The following NINJ2 variants were observed in gnomAD, a reference collection of about 807,000 sequenced individuals.
NINJ2 encodes the protein ninjurin-2.
Under a neutral mutation model 11.7 loss-of-function variants are expected in NINJ2, and 12 were observed. The ratio of observed to expected loss-of-function variants is 1.02; its 90% CI spans 0.66 to 1.66. The LOEUF (loss-of-function observed/expected upper bound fraction) is 1.66. Among genes scored for constraint, NINJ2 ranks in the 40% most tolerant of loss-of-function variants. The probability of loss-of-function intolerance (pLI) is 0.00; values close to 1 mark genes in which losing one functional copy is unlikely to be tolerated. For synonymous variants in NINJ2, 93 were observed against 76.8 expected (o/e 1.21, Z -1.10); for missense variants, 187 against 181.8 (o/e 1.03, Z -0.16).
intron 1 of NINJ2, chr12:610,502 G>A: frequency 6.6e-7 from 1 of 1,518,306 alleles, no homozygotes; most frequent in Non-Finnish European, 8.8e-7. Flanking sequence ...CTGCCCCCGT[G>A]GGTCCCCACA....
intron 1 of NINJ2, among the ~76,000 whole-genome samples, chr12:596,056 G>A (rs1947780992): frequency 6.6e-6 from 1 of 152,178 alleles, no homozygotes; most frequent in Non-Finnish European, 1.5e-5. Context: ...TTCATTGCTG[G>A]TGGGAATGCA....
chr12:627,621 C>T (rs975377421), intron 1 of NINJ2, among the ~76,000 whole-genome samples: 7 of 152,258 alleles, frequency 4.6e-5, no homozygotes, highest in Non-Finnish European at 1.0e-4. Context: ...GTGGGTACAG[C>T]TGCAGCATAC....
intron 1 of NINJ2, among the ~76,000 whole-genome samples, chr12:604,843 C>G (rs752355091): frequency 2.6e-5 from 4 of 152,180 alleles, no homozygotes; most frequent in Non-Finnish European, 5.9e-5. Flanking sequence ...CCCCTCAAAG[C>G]CTGTTGACAG....
Position 650,080 on chromosome 12 carries a change from A to ATT in NINJ2, c.33+13246_33+13247dup, listed in dbSNP as rs11400576. Among the ~76,000 whole-genome samples the ATT allele has an allele frequency of 8.3e-3, 1,195 of 144,142 alleles. 8 individuals are homozygous for ATT. The highest frequency in any genetic ancestry group is 0.013 in the African/African-American group (530 of 39,358). 94.6% of individuals were successfully genotyped at this position (144,142 alleles called of 152,430 possible). A position where few individuals can be genotyped will look rare whatever the true frequency, so the allele number is the denominator to read the frequency against. Reference sequence around the variant, plus strand: ...CTGTTTCTAGAAGTGAGATTAGTAGATTTTTTTTTTTTTTGGAGGCAAGGG... The same window carrying ATT: ...CTGTTTCTAGAAGTGAGATTAGTAGATTTTTTTTTTTTTTTTGGAGGCAAGGG... On this transcript the variant is annotated intron_variant, in intron 1 of 3. Coordinates refer to ENST00000305108, the MANE Select transcript of NINJ2 (RefSeq NM_016533.6).
Position 643,107 on chromosome 12 carries a change from G to A in NINJ2, c.33+20221C>T, listed in dbSNP as rs558243295. The stretch of plus-strand genomic sequence containing the variant: ...GAACCTTCACCTCCCGAGGACAGGC[G>A]CCTTCCCCTCGGGACCCGGCTCCCC... On this transcript the variant is annotated intron_variant, in intron 1 of 3. Coordinates refer to ENST00000305108, the MANE Select transcript of NINJ2 (RefSeq NM_016533.6). 4.0e-3 allele frequency: 617 copies of A among 154,156 alleles called. 5 individuals carry two copies. The highest frequency in any genetic ancestry group is 0.014 in the African/African-American group (571 of 41,628). The allele number at this position is 154,156 out of a possible 1,614,324, so 9.5% of individuals were successfully genotyped here.
rs559467084 is a variant in NINJ2 at position 663,245 on chromosome 12, G to A, written c.33+83C>T. 1.6e-4 allele frequency: 201 copies of A among 1,265,246 alleles called. No homozygotes were observed. In the East Asian group the frequency reaches 2.8e-3, roughly 17 times the overall value. The allele number at this position is 1,265,246 out of a possible 1,614,324, so 78.4% of individuals were successfully genotyped here. On this transcript the variant is annotated intron_variant, in intron 1 of 3. Coordinates refer to ENST00000305108, the MANE Select transcript of NINJ2 (RefSeq NM_016533.6). ...AGAGAACGGGGAGGGAGAATATCAA[G>A]TGACTAAAGTATCAATCCTCTGTTC...
intron 1 of NINJ2, among the ~76,000 whole-genome samples, chr12:638,477 G>A (rs1444761331): frequency 2.0e-5 from 3 of 152,162 alleles, no homozygotes; most frequent in African/African-American, 7.2e-5. Flanking sequence ...GTGCAGTGGC[G>A]CAATCTCGGC....
At chr12:643,448 T>A in intron 1 of NINJ2, 1 of 988,062 alleles carries the variant, frequency 1.0e-6, no homozygotes, top group South Asian at 4.7e-5. Context: ...GCTCACAAAC[T>A]AGGGAGGGGA....
intron 1 of NINJ2, among the ~76,000 whole-genome samples, chr12:616,762 T>C (rs563820339): frequency 6.6e-6 from 1 of 152,200 alleles, no homozygotes; most frequent in Non-Finnish European, 1.5e-5. Context: ...TTATCCAAAA[T>C]GAGACACCTT....
At chr12:611,848 T>G (rs573563200) in intron 1 of NINJ2, among the ~76,000 whole-genome samples, 8 of 152,336 alleles carry the variant, frequency 5.3e-5, no homozygotes, top group Non-Finnish European at 1.0e-4. Flanking sequence ...TATTACTTGT[T>G]GTAGGAGGTT....
chr12:573,378 A>G (rs1947406344), intron 1 of NINJ2, among the ~76,000 whole-genome samples: 1 of 152,096 alleles, frequency 6.6e-6, no homozygotes, highest in Non-Finnish European at 1.5e-5. Flanking sequence ...AGTGGAAGAC[A>G]TACTCCCTAC....
At chr12:579,608 C>G (rs1947518533) in intron 1 of NINJ2, among the ~76,000 whole-genome samples, 1 of 152,150 alleles carries the variant, frequency 6.6e-6, no homozygotes, top group African/African-American at 2.4e-5. Flanking sequence ...ATTCACCGAG[C>G]CCAGGACAAA....
intron 1 of NINJ2, among the ~76,000 whole-genome samples, chr12:655,924 A>AAAT (rs1937866404): frequency 6.6e-6 from 1 of 151,896 alleles, no homozygotes; most frequent in Non-Finnish European, 1.5e-5. Context: ...ATAAATAAAT[A>AAAT]AATAAATTTA....
At chr12:594,091 C>T (rs1212063640) in intron 1 of NINJ2, among the ~76,000 whole-genome samples, 2 of 151,824 alleles carry the variant, frequency 1.3e-5, no homozygotes, top group East Asian at 1.9e-4. Context: ...TCCAGGCTAA[C>T]GCAATAAGAT....
intron 1 of NINJ2, among the ~76,000 whole-genome samples, chr12:590,122 A>G (rs1947698752): frequency 1.3e-5 from 2 of 152,172 alleles, no homozygotes; most frequent in South Asian, 4.1e-4. Flanking sequence ...TATTTTCTGT[A>G]GAGACGGTGT....
chr12:606,193 A>G (rs757022044), intron 1 of NINJ2, among the ~76,000 whole-genome samples: 1 of 152,152 alleles, frequency 6.6e-6, no homozygotes, highest in Non-Finnish European at 1.5e-5. Context: ...TCAAAAAGGA[A>G]TATTCGGAAA....
intron 1 of NINJ2, among the ~76,000 whole-genome samples, chr12:601,130 A>C (rs1467475755): frequency 6.6e-6 from 1 of 152,254 alleles, no homozygotes; most frequent in Non-Finnish European, 1.5e-5. Flanking sequence ...AATGCTCAGA[A>C]TTTGTGGAAT....
At chr12:636,592 G>A (rs1439669749) in intron 1 of NINJ2, among the ~76,000 whole-genome samples, 1 of 151,814 alleles carries the variant, frequency 6.6e-6, no homozygotes, top group Non-Finnish European at 1.5e-5. Flanking sequence ...TTTCTCCAAA[G>A]AAGACACACA....
chr12:598,906 G>A (rs1753596301), intron 1 of NINJ2, among the ~76,000 whole-genome samples: 2 of 151,646 alleles, frequency 1.3e-5, no homozygotes, highest in African/African-American at 4.8e-5. Flanking sequence ...CACCATGTTG[G>A]CCAGGCTGGT....
Sources: gnomAD v4.1 joint callset for allele counts (sites outside exome capture counted in the v4.1 genomes callset) on GRCh38, gnomAD v4.1.1 for gene constraint, MANE v1.5 for transcripts, NCBI Gene and HGNC (gene_info 2026-07-23, HGNC 2026-07-21) for gene names.